Variants in ACKR3 observed in about 807,000 individuals in gnomAD.
ACKR3 encodes the protein C-X-C chemokine receptor type 7.
Under a neutral mutation model 22.4 loss-of-function variants are expected in ACKR3, and 6 were observed. The ratio of observed to expected loss-of-function variants is 0.27; its 90% confidence interval spans 0.15 to 0.53. ACKR3 has a LOEUF of 0.53. Ranked by LOEUF, ACKR3 falls within the 20% of genes least tolerant of loss-of-function variation. The pLI is 0.96. For missense variants in ACKR3, 396 were observed against 475.2 expected (o/e 0.83, Z 1.55); for synonymous variants, 209 against 205.2 (o/e 1.02, Z -0.16).
chr2:236,559,331 A>C, the ACKR3 span, among the ~76,000 whole-genome samples: 1 of 152,264 alleles, frequency 6.6e-6, no homozygotes, highest in Non-Finnish European at 1.5e-5. Context: ...CTATGTACTC[A>C]CCAATAAGGT....
chr2:236,555,820 GAAAAA>G, the ACKR3 span, among the ~76,000 whole-genome samples: 2 of 134,028 alleles, frequency 1.5e-5, no homozygotes, highest in African/African-American at 5.1e-5. Context: ...TACCTTAAAG[GAAAAA>G]AAAAAAAAAA....
intron 1 of ACKR3, among the ~76,000 whole-genome samples, chr2:236,575,144 T>G (rs1193288612): frequency 6.6e-6 from 1 of 152,132 alleles, no homozygotes; most frequent in Non-Finnish European, 1.5e-5. Flanking sequence ...GAACCTCGAT[T>G]GTTCTGTGGA....
At chr2:236,572,628 C>T (rs909698405) in intron 1 of ACKR3, among the ~76,000 whole-genome samples, 2 of 152,176 alleles carry the variant, frequency 1.3e-5, no homozygotes, top group African/African-American at 2.4e-5. Flanking sequence ...CCCACTGCCT[C>T]GTCCTAGTCC....
chr2:236,568,068 T>TA (rs1427358911), upstream of ACKR3, among the ~76,000 whole-genome samples: 5 of 152,178 alleles, frequency 3.3e-5, no homozygotes, highest in Non-Finnish European at 7.4e-5. Context: ...TTCTACTTTT[T>TA]AAAAAAACTG....
Position 236,581,120 on chromosome 2 carries a change from T to C in ACKR3, c.655T>C (p.Leu219=). 1.2e-6 allele frequency: 2 copies of C among 1,614,218 alleles called. No homozygotes were observed. Among genetic ancestry groups the C allele is most frequent in the Non-Finnish European group, 1.7e-6 (2 of 1,180,036 alleles). Residue 219 remains leucine, a synonymous_variant, in exon 2 of 2, where the codon TTG becomes CTG. Transcript: ENST00000272928. This position sits in a 1 kb window ranked among gnomAD's most constrained non-coding sequence, Gnocchi z 4.4. Reference sequence around the variant, plus strand: ...CGGCATGGAGCTGGTCTCCGTTGTCTTGGGCTTTGCCGTTCCCTTCTCCAT... The same window carrying C: ...CGGCATGGAGCTGGTCTCCGTTGTCCTGGGCTTTGCCGTTCCCTTCTCCAT... ...LIGMELVSVV[L]GFAVPFSIIA... is the part of the protein sequence containing the mutation.
At chr2:236,569,490 T>A (rs1419226845), upstream of ACKR3, among the ~76,000 whole-genome samples, 1 of 152,246 alleles carries the variant, frequency 6.6e-6, no homozygotes, top group Non-Finnish European at 1.5e-5. Context: ...ATTCAAGATA[T>A]ACCTGAGACC....
chr2:236,542,624 TATGTCCCC>T, the ACKR3 span, among the ~76,000 whole-genome samples: 1 of 152,180 alleles, frequency 6.6e-6, no homozygotes, highest in African/African-American at 2.4e-5. Flanking sequence ...CCCTGGGCTG[TATGTCCCC>T]ATCTGTGTCT....
At chr2:236,545,338 C>T in the ACKR3 span, among the ~76,000 whole-genome samples, 1 of 152,158 alleles carries the variant, frequency 6.6e-6, no homozygotes, top group Non-Finnish European at 1.5e-5. The surrounding 1 kb of genome is among the most constrained non-coding windows in gnomAD (Gnocchi z 5.3). Context: ...CCAGAGCCCT[C>T]CTTCTGTCAC....
the ACKR3 span, among the ~76,000 whole-genome samples, chr2:236,539,891 G>A: frequency 6.6e-6 from 1 of 152,188 alleles, no homozygotes. Context: ...AGCATGTGCA[G>A]GGGAACTCCC....
the ACKR3 span, among the ~76,000 whole-genome samples, chr2:236,551,043 GT>G: frequency 6.6e-6 from 1 of 152,142 alleles, no homozygotes; most frequent in East Asian, 1.9e-4. Context: ...TTCTGCCTCA[GT>G]TTCCCTGCCT....
the ACKR3 span, among the ~76,000 whole-genome samples, chr2:236,550,878 G>A: frequency 6.6e-6 from 1 of 152,138 alleles, no homozygotes; most frequent in Non-Finnish European, 1.5e-5. The surrounding 1 kb of genome is among the most constrained non-coding windows in gnomAD (Gnocchi z 4.6). Context: ...ATTCACACAC[G>A]GCTGCCCCGG....
chr2:236,575,557 G>A (rs1691395231), intron 1 of ACKR3, among the ~76,000 whole-genome samples: 1 of 134,518 alleles, frequency 7.4e-6, no homozygotes. Flanking sequence ...TGCTGTGTGT[G>A]TGTGTGTGTC....
chr2:236,570,764 G>C (rs1214453579), intron 1 of ACKR3, among the ~76,000 whole-genome samples: 1 of 152,236 alleles, frequency 6.6e-6, no homozygotes, highest in Non-Finnish European at 1.5e-5. Flanking sequence ...GTCAGGGATG[G>C]GTGGTTAGCC....
At chr2:236,543,429 G>A in the ACKR3 span, among the ~76,000 whole-genome samples, 1 of 152,216 alleles carries the variant, frequency 6.6e-6, no homozygotes, top group African/African-American at 2.4e-5. Context: ...AGGAGGTGGT[G>A]AAGAAAACAG....
At chr2:236,542,918 C>T in the ACKR3 span, among the ~76,000 whole-genome samples, 3 of 83,492 alleles carry the variant, frequency 3.6e-5, 1 homozygote, top group Non-Finnish European at 2.0e-5. Context: ...AAACAGCATC[C>T]ATTAGTTACT....
chr2:236,538,402 A>C, the ACKR3 span, among the ~76,000 whole-genome samples: 5 of 152,184 alleles, frequency 3.3e-5, no homozygotes, highest in African/African-American at 1.2e-4. Context: ...CGAGTCAGAG[A>C]TTGGGCTCTG....
At chr2:236,550,113 G>A in the ACKR3 span, among the ~76,000 whole-genome samples, 27 of 152,206 alleles carry the variant, frequency 1.8e-4, no homozygotes, top group African/African-American at 3.1e-4. The surrounding 1 kb of genome is among the most constrained non-coding windows in gnomAD (Gnocchi z 4.6). Context: ...CTGCAGCAAC[G>A]TGGATTCCTG....
the ACKR3 span, among the ~76,000 whole-genome samples, chr2:236,557,253 CGTATGT>C: frequency 1.9e-4 from 27 of 139,990 alleles, no homozygotes; most frequent in African/African-American, 7.7e-4. Flanking sequence ...TTCATGTGAA[CGTATGT>C]GTGTGTGTGT....
the ACKR3 span, among the ~76,000 whole-genome samples, chr2:236,555,308 T>A: frequency 6.6e-6 from 1 of 152,238 alleles, no homozygotes; most frequent in Non-Finnish European, 1.5e-5. Context: ...TACACTTCTA[T>A]AGGTCTAGGT....
Sources: gnomAD v4.1 joint callset for allele counts (sites outside exome capture counted in the v4.1 genomes callset) on GRCh38, gnomAD v4.1.1 for gene constraint, Gnocchi (gnomAD v3.1) non-coding constraint, MANE v1.5 for transcripts, NCBI Gene and HGNC (gene_info 2026-07-23, HGNC 2026-07-21) for gene names.